SOX6: variants seen among roughly 807,000 people sequenced by gnomAD.
The protein encoded by SOX6 is SRY-box transcription factor 6.
A neutral mutation model predicts 97.8 loss-of-function variants in SOX6; 11 were observed. The observed-to-expected ratio is 0.11, with a 90% CI of 0.07 to 0.19. SOX6 has a LOEUF of 0.19. Among genes scored for constraint, SOX6 ranks in the 10% least tolerant of loss-of-function variants. The pLI is 1.00. For missense variants in SOX6, 810 were observed against 1,039.5 expected (o/e 0.78, Z 3.04); for synonymous variants, 360 against 371.4 (o/e 0.97, Z 0.35).
At chr11:16,533,479 T>C (rs1439011761) in intron 4 of SOX6, among the ~76,000 whole-genome samples, 2 of 152,036 alleles carry the variant, frequency 1.3e-5, no homozygotes, top group Non-Finnish European at 2.9e-5. Context: ...GAAAACATGC[T>C]TGAAAGTCAT....
At chr11:16,229,907 C>T (rs1374860837) in intron 4 of SOX6, among the ~76,000 whole-genome samples, 1 of 151,704 alleles carries the variant, frequency 6.6e-6, no homozygotes, top group African/African-American at 2.4e-5. Context: ...ACTATGAACA[C>T]TGCTACTAAA....
intron 1 of SOX6, chr11:16,382,204 A>C (rs1857843855): frequency 1.3e-5 from 2 of 152,166 alleles, no homozygotes; most frequent in Middle Eastern, 6.8e-3. Flanking sequence ...TACCTTTGTC[A>C]AATACGGTGT....
At chr11:16,629,160 C>T (rs1176863955) in intron 3 of SOX6, among the ~76,000 whole-genome samples, 1 of 152,160 alleles carries the variant, frequency 6.6e-6, no homozygotes, top group East Asian at 1.9e-4. Flanking sequence ...CAGTGGGCAT[C>T]CTTGTCTTAT....
At chr11:16,151,191 TA>T (rs1850448807) in intron 6 of SOX6, among the ~76,000 whole-genome samples, 1 of 152,180 alleles carries the variant, frequency 6.6e-6, no homozygotes, top group Admixed American at 6.6e-5. Flanking sequence ...TAAGATGATT[TA>T]AAAGGTGTTT....
chr11:16,550,923 G>A (rs1489155541), intron 4 of SOX6, among the ~76,000 whole-genome samples: 1 of 152,026 alleles, frequency 6.6e-6, no homozygotes, highest in African/African-American at 2.4e-5. Flanking sequence ...AAAATAACAA[G>A]ATGGTAAATT....
chr11:16,062,622 A>G (rs1847987385), intron 9 of SOX6, among the ~76,000 whole-genome samples: 2 of 151,642 alleles, frequency 1.3e-5, no homozygotes, highest in African/African-American at 4.8e-5. Context: ...ATTGTTTGGG[A>G]TATTGAATTG....
chr11:16,362,365 C>T (rs1038524667), intron 1 of SOX6, among the ~76,000 whole-genome samples: 3 of 152,052 alleles, frequency 2.0e-5, no homozygotes, highest in South Asian at 4.1e-4. Flanking sequence ...CTTTCCATCC[C>T]CATGTTCCCT....
At chr11:16,674,042 T>C (rs1237785158) in intron 3 of SOX6, among the ~76,000 whole-genome samples, 3 of 151,740 alleles carry the variant, frequency 2.0e-5, no homozygotes, top group African/African-American at 7.3e-5. Context: ...TACAAAAAAT[T>C]AGCCGGGCCT....
chr11:16,599,772 TACA>T (rs1848248206), intron 4 of SOX6, among the ~76,000 whole-genome samples: 1 of 152,200 alleles, frequency 6.6e-6, no homozygotes, highest in South Asian at 2.1e-4. Flanking sequence ...TATAATAGAT[TACA>T]ACATCTACAA....
intron 4 of SOX6, among the ~76,000 whole-genome samples, chr11:16,190,532 G>C (rs1851601362): frequency 6.6e-6 from 1 of 152,214 alleles, no homozygotes; most frequent in Non-Finnish European, 1.5e-5. Context: ...GTATGTGAAA[G>C]AATGTGCATG....
intron 4 of SOX6, among the ~76,000 whole-genome samples, chr11:16,608,542 T>C (rs1002885355): frequency 6.6e-6 from 1 of 150,510 alleles, no homozygotes; most frequent in Non-Finnish European, 1.5e-5. Context: ...CACCACTTAG[T>C]AGGATCTCAG....
chr11:16,090,560 A>C (rs1848662628), intron 9 of SOX6, among the ~76,000 whole-genome samples: 1 of 151,968 alleles, frequency 6.6e-6, no homozygotes, highest in Admixed American at 6.6e-5. Context: ...ACTTTTTCTT[A>C]AGAAGCCTAT....
chr11:15,980,094 G>T (rs1853613942), intron 15 of SOX6, among the ~76,000 whole-genome samples: 2 of 152,024 alleles, frequency 1.3e-5, no homozygotes, highest in Non-Finnish European at 2.9e-5. Flanking sequence ...TTTCAGGGAA[G>T]AAAAGATGTA....
chr11:16,401,540 T>C (rs957786495), intron 1 of SOX6, among the ~76,000 whole-genome samples: 7 of 151,632 alleles, frequency 4.6e-5, no homozygotes, highest in African/African-American at 1.2e-4. Flanking sequence ...ATTTAAACCA[T>C]GTAGCAAATG....
intron 3 of SOX6, among the ~76,000 whole-genome samples, chr11:16,269,013 C>T (rs557061078): frequency 6.7e-6 from 1 of 149,814 alleles, no homozygotes; most frequent in Non-Finnish European, 1.5e-5. Context: ...AGAAATTCAC[C>T]TATGTTTTCT....
chr11:16,430,070 C>G (rs1315475171), intron 1 of SOX6, among the ~76,000 whole-genome samples: 1 of 152,192 alleles, frequency 6.6e-6, no homozygotes, highest in Non-Finnish European at 1.5e-5. Context: ...AATGTTGGCT[C>G]TCTGAGCTTT....
At chr11:16,530,508 A>C (rs1247694430) in intron 4 of SOX6, among the ~76,000 whole-genome samples, 1 of 152,058 alleles carries the variant, frequency 6.6e-6, no homozygotes, top group Admixed American at 6.6e-5. Flanking sequence ...TCTGCCAAAT[A>C]CATTGATATC....
intron 1 of SOX6, among the ~76,000 whole-genome samples, chr11:16,463,001 C>T (rs572609931): frequency 2.5e-4 from 38 of 152,294 alleles, no homozygotes; most frequent in South Asian, 4.1e-4. Flanking sequence ...CTAGGCAGGC[C>T]TTTTTCATGG....
At chr11:16,496,845 C>A (rs574536191) in intron 4 of SOX6, among the ~76,000 whole-genome samples, 1 of 152,166 alleles carries the variant, frequency 6.6e-6, no homozygotes, top group Non-Finnish European at 1.5e-5. Flanking sequence ...TGGAGCCCAC[C>A]GCAGGTCAAG....
Sources: allele counts gnomAD v4.1 joint callset (sites outside exome capture counted in the v4.1 genomes callset), GRCh38; gene constraint gnomAD v4.1.1; transcripts MANE v1.5; gene names NCBI Gene and HGNC (gene_info 2026-07-23, HGNC 2026-07-21).